The following PDE10A variants were observed in gnomAD, a reference collection of about 807,000 sequenced individuals.
PDE10A encodes cAMP and cAMP-inhibited cGMP 3',5'-cyclic phosphodiesterase 10A.
In PDE10A, 39 loss-of-function variants were observed where a neutral mutation model predicts 97.7. That is an observed-to-expected ratio of 0.40 (90% confidence interval 0.31 to 0.52). The LOEUF (loss-of-function observed/expected upper bound fraction) is 0.52. PDE10A is among the 20% of genes least tolerant of loss of function. The pLI is 0.56. For missense variants in PDE10A, 731 were observed against 1,047.8 expected (o/e 0.70, Z 4.17); for synonymous variants, 371 against 376.8 (o/e 0.98, Z 0.18).
intron 1 of PDE10A, among the ~76,000 whole-genome samples, chr6:165,813,532 C>T (rs1043932472): frequency 6.6e-6 from 1 of 152,208 alleles, no homozygotes; most frequent in Non-Finnish European, 1.5e-5. Context: ...TCTGACATCG[C>T]TGTTCAGCCC....
intron 1 of PDE10A, among the ~76,000 whole-genome samples, chr6:165,764,355 T>G (rs1171670774): frequency 6.6e-6 from 1 of 152,216 alleles, no homozygotes; most frequent in Non-Finnish European, 1.5e-5. Context: ...TTTTAATATA[T>G]CCTAGTGTTA....
intron 1 of PDE10A, among the ~76,000 whole-genome samples, chr6:165,619,469 G>C (rs367653684): frequency 6.9e-4 from 25 of 36,208 alleles, no homozygotes; most frequent in Non-Finnish European, 1.2e-3. Flanking sequence ...GTAGTCTAGT[G>C]TAGTGTAGTC....
chr6:165,726,580 C>T (rs984823038), intron 1 of PDE10A, among the ~76,000 whole-genome samples: 1 of 150,446 alleles, frequency 6.6e-6, no homozygotes, highest in Non-Finnish European at 1.5e-5. Flanking sequence ...CCCGCTCCCC[C>T]CGGTGGTCCA....
At chr6:165,408,383 A>C (rs541516303) in intron 13 of PDE10A, among the ~76,000 whole-genome samples, 2 of 152,178 alleles carry the variant, frequency 1.3e-5, no homozygotes, top group Non-Finnish European at 2.9e-5. Flanking sequence ...CCTAATTTTC[A>C]TATGATGCTT....
rs546567119 is a variant in PDE10A at position 165,500,292 on chromosome 6, A to G, written c.995-17949T>C. Among the ~76,000 whole-genome samples, 24 of 151,296 alleles carry G rather than the reference A, an allele frequency of 1.6e-4. No individual in the cohort carries two copies. In the South Asian group the frequency reaches 1.9e-3, roughly 12 times the overall value. ...ACAGATGGCATTGTGCAGAAAAGAG[A>G]GAGAGATCAGACTGTTACTGTGTCT... On this transcript the variant is annotated intron_variant, in intron 2 of 21. Coordinates refer to ENST00000539869, the MANE Select transcript of PDE10A (RefSeq NM_001385079.1).
At chr6:165,439,839 A>G (rs1156773900) in intron 5 of PDE10A, among the ~76,000 whole-genome samples, 3 of 152,220 alleles carry the variant, frequency 2.0e-5, no homozygotes, top group African/African-American at 7.2e-5. Context: ...TGAACAAGAG[A>G]ATAGACTAGT....
intron 1 of PDE10A, among the ~76,000 whole-genome samples, chr6:165,903,011 T>C (rs575220162): frequency 6.6e-6 from 1 of 152,336 alleles, no homozygotes; most frequent in South Asian, 2.1e-4. Context: ...ACACTACAAA[T>C]TGAGCAAGAT....
chr6:165,580,002 A>T (rs1054833263), intron 1 of PDE10A, among the ~76,000 whole-genome samples: 5 of 151,860 alleles, frequency 3.3e-5, no homozygotes, highest in African/African-American at 1.2e-4. Context: ...GTTCTACATC[A>T]TTTTTCCTGT....
At chr6:165,755,649 A>C (rs1465021800) in intron 1 of PDE10A, among the ~76,000 whole-genome samples, 1 of 152,210 alleles carries the variant, frequency 6.6e-6, no homozygotes, top group African/African-American at 2.4e-5. Flanking sequence ...GCAAGACTGC[A>C]AAGGGAAAGA....
rs574550715 is a variant in PDE10A at position 165,335,059 on chromosome 6, G to C, written c.3065+1064C>G. ...GCCCGGAGCCAATTCACCTAGAAAA[G>C]ACTCACACGCACAGCTGCTGGCTAT... is the stretch of plus-strand genomic sequence containing the variant. On this transcript the variant is annotated intron_variant, in intron 21 of 21. Coordinates refer to ENST00000539869, the MANE Select transcript of PDE10A (RefSeq NM_001385079.1). Among the ~76,000 whole-genome samples the C allele has an allele frequency of 2.4e-3, 366 of 152,282 alleles. 2 individuals are homozygous for C. The highest frequency in any genetic ancestry group is 8.5e-3 in the African/African-American group (353 of 41,556).
intron 18 of PDE10A, among the ~76,000 whole-genome samples, chr6:165,367,545 C>T (rs1157029621): frequency 1.3e-5 from 2 of 151,698 alleles, no homozygotes; most frequent in Non-Finnish European, 2.9e-5. Flanking sequence ...ATCAGCAGCC[C>T]ACAGACCCAG....
At chr6:165,489,920 C>T (rs923898975) in intron 2 of PDE10A, among the ~76,000 whole-genome samples, 2 of 152,180 alleles carry the variant, frequency 1.3e-5, no homozygotes, top group Admixed American at 1.3e-4. Flanking sequence ...AATAAATGAA[C>T]AAAGCCTCCA....
intron 2 of PDE10A, among the ~76,000 whole-genome samples, chr6:165,510,146 C>G (rs1353316357): frequency 6.6e-6 from 1 of 152,032 alleles, no homozygotes; most frequent in East Asian, 1.9e-4. Flanking sequence ...GCAGCCTTGT[C>G]TTGTTCCAGG....
rs574246269 is a variant in PDE10A at position 165,569,711 on chromosome 6, T to G, written c.866-26143A>C. Among the ~76,000 whole-genome samples, 5 of 152,306 alleles carry G rather than the reference T, an allele frequency of 3.3e-5. No homozygotes were observed. The East Asian group carries it at 9.6e-4, about 29-fold the overall frequency. On this transcript the variant is annotated intron_variant, in intron 1 of 21. Transcript: ENST00000539869. ...AATTTGTTTTTTAACCAAGGAAGAA[T>G]GCTTCACAGGAAATGTTACTCCCTA...
At chr6:165,646,743 C>G (rs1053200274) in intron 1 of PDE10A, among the ~76,000 whole-genome samples, 1 of 152,152 alleles carries the variant, frequency 6.6e-6, no homozygotes, top group Non-Finnish European at 1.5e-5. Flanking sequence ...TGAGAAGGAG[C>G]ACCTGGCCAC....
At chr6:165,847,222 G>C (rs1780445318) in intron 1 of PDE10A, among the ~76,000 whole-genome samples, 1 of 152,176 alleles carries the variant, frequency 6.6e-6, no homozygotes, top group South Asian at 2.1e-4. Context: ...GAGGAGTTGC[G>C]GTTTACAGAG....
chr6:165,949,107 T>C (rs183783800), intron 1 of PDE10A: 1 of 152,258 alleles, frequency 6.6e-6, no homozygotes, highest in African/African-American at 2.4e-5. Context: ...CAGAAAAGAT[T>C]GTTACCTTTA....
chr6:165,439,961 A>G (rs553591389), intron 5 of PDE10A, among the ~76,000 whole-genome samples: 2 of 152,306 alleles, frequency 1.3e-5, no homozygotes, highest in South Asian at 4.1e-4. Flanking sequence ...CTTTCTTTCC[A>G]TGCACAATTC....
At chr6:165,875,822 T>A (rs1781328552) in intron 1 of PDE10A, among the ~76,000 whole-genome samples, 1 of 151,812 alleles carries the variant, frequency 6.6e-6, no homozygotes, top group Non-Finnish European at 1.5e-5. Context: ...TGTGCCTTCT[T>A]CCTCTATTGG....
Sources: gnomAD v4.1 joint callset for allele counts (sites outside exome capture counted in the v4.1 genomes callset) on GRCh38, gnomAD v4.1.1 for gene constraint, MANE v1.5 for transcripts, NCBI Gene and HGNC (gene_info 2026-07-23, HGNC 2026-07-21) for gene names.